Variants in KCNC2 observed in about 807,000 individuals in gnomAD.
KCNC2 encodes the protein potassium voltage-gated channel subfamily C member 2.
KCNC2 carries 21 observed loss-of-function variants against 44.5 expected under a neutral mutation model. That is an observed-to-expected ratio of 0.47 (90% CI 0.33 to 0.68). The LOEUF (loss-of-function observed/expected upper bound fraction) is 0.68. Among genes scored for constraint, KCNC2 ranks in the 30% least tolerant of loss-of-function variants. KCNC2 has a pLI of 0.01. For missense variants in KCNC2, 589 were observed against 826.2 expected (o/e 0.71, Z 3.52); for synonymous variants, 391 against 339.1 (o/e 1.15, Z -1.68).
At position 75,086,679 on chromosome 12, in the gene KCNC2, A is replaced by ATATAT. The variant is rs1555208205; in HGVS notation, c.688-35363_688-35362insATATA. 2.6e-3 allele frequency among the ~76,000 whole-genome samples: 78 copies of ATATAT among 29,722 alleles called. No individual in the cohort carries two copies. In the South Asian group the frequency reaches 0.061, roughly 23 times the overall value. The allele number at this position is 29,722 out of a possible 152,430, so 19.5% of individuals were successfully genotyped here. On this transcript the variant is annotated intron_variant, in intron 2 of 4. Coordinates refer to ENST00000549446, the MANE Select transcript of KCNC2 (RefSeq NM_139137.4). ...ATTTGGCAAAAAAAAAAAAAAAAAAAAAATATATATATATATATATACACA... is the reference window on the plus strand; with the variant it reads ...ATTTGGCAAAAAAAAAAAAAAAAAAATATATAAATATATATATATATATATACACA...
intron 2 of KCNC2, among the ~76,000 whole-genome samples, chr12:75,139,529 A>G (rs905572946): frequency 3.9e-5 from 6 of 152,234 alleles, no homozygotes; most frequent in Admixed American, 3.9e-4. Flanking sequence ...AGAATTTTTG[A>G]GTGAATTTAG....
At chr12:75,049,479 T>C (rs954160124) in intron 3 of KCNC2, among the ~76,000 whole-genome samples, 1 of 152,136 alleles carries the variant, frequency 6.6e-6, no homozygotes, top group Non-Finnish European at 1.5e-5. Context: ...ATATTTTACC[T>C]GTACCAGACA....
chr12:75,107,309 AAT>A (rs1491518649), intron 2 of KCNC2, among the ~76,000 whole-genome samples: 19 of 150,834 alleles, frequency 1.3e-4, no homozygotes, highest in South Asian at 1.0e-3. Flanking sequence ...ATCTCAAAAA[AAT>A]AAATAATAAT....
In KCNC2 at chr12:75,149,729, GA is replaced by G. The variant is rs142355640; in HGVS notation, c.687+57567del. On this transcript the variant is annotated intron_variant, in intron 2 of 4. Coordinates refer to ENST00000549446, the MANE Select transcript of KCNC2 (RefSeq NM_139137.4). ...TGAAAGGATCTTAATTACCTGCTTT[GA>G]AAAAAAAAAGTCTAGTATAATTATC... Among the ~76,000 whole-genome samples the G allele has an allele frequency of 5.3e-3, 761 of 144,230 alleles. 4 individuals are homozygous for G. The highest frequency in any genetic ancestry group is 9.4e-3 in the Non-Finnish European group (612 of 65,398). The allele number at this position is 144,230 out of a possible 152,430, so 94.6% of individuals were successfully genotyped here.
intron 2 of KCNC2, among the ~76,000 whole-genome samples, chr12:75,205,357 G>C (rs1270516045): frequency 7.2e-6 from 1 of 139,196 alleles, no homozygotes; most frequent in Non-Finnish European, 1.6e-5. Context: ...GCTTCTACTT[G>C]CTCTTTGACC....
chr12:75,200,423 C>G (rs2031143432), intron 2 of KCNC2, among the ~76,000 whole-genome samples: 1 of 151,854 alleles, frequency 6.6e-6, no homozygotes, highest in East Asian at 1.9e-4. Flanking sequence ...TCACCAATTT[C>G]ACTAATATAA....
intron 2 of KCNC2, among the ~76,000 whole-genome samples, chr12:75,125,139 T>C (rs1040353106): frequency 1.3e-5 from 2 of 151,940 alleles, no homozygotes; most frequent in East Asian, 1.9e-4. Flanking sequence ...TGGGCAAAAA[T>C]GGTAACCAAG....
chr12:75,162,668 T>G (rs539258586), intron 2 of KCNC2, among the ~76,000 whole-genome samples: 1 of 151,856 alleles, frequency 6.6e-6, no homozygotes, highest in Middle Eastern at 3.4e-3. Flanking sequence ...AGGCTTGCCC[T>G]GTGAAGAATT....
chr12:75,130,413 TC>T (rs983237419), intron 2 of KCNC2, among the ~76,000 whole-genome samples: 3 of 152,120 alleles, frequency 2.0e-5, no homozygotes, highest in South Asian at 2.1e-4. Flanking sequence ...ATCTCTCTCA[TC>T]CCAGGGCCTA....
At chr12:75,192,959 A>G (rs2137725275) in intron 2 of KCNC2, among the ~76,000 whole-genome samples, 1 of 152,348 alleles carries the variant, frequency 6.6e-6, no homozygotes, top group Non-Finnish European at 1.5e-5. Flanking sequence ...TTTATTCATT[A>G]GCCAGATTTA....
intron 2 of KCNC2, among the ~76,000 whole-genome samples, chr12:75,115,143 G>T (rs1231760034): frequency 6.7e-6 from 1 of 149,024 alleles, no homozygotes; most frequent in East Asian, 1.9e-4. Flanking sequence ...GATTACAAGC[G>T]TGAGCCACCG....
At chr12:75,182,247 C>T (rs761257638) in intron 2 of KCNC2, among the ~76,000 whole-genome samples, 20 of 151,340 alleles carry the variant, frequency 1.3e-4, no homozygotes, top group Admixed American at 3.3e-4. Flanking sequence ...TGACTATGGC[C>T]GGGGGTGGTG....
chr12:75,051,947 C>G (rs1417174643), intron 2 of KCNC2, among the ~76,000 whole-genome samples: 1 of 151,858 alleles, frequency 6.6e-6, no homozygotes, highest in East Asian at 1.9e-4. Context: ...AGGAGAAAAA[C>G]CCAGTAAAGG....
intron 2 of KCNC2, among the ~76,000 whole-genome samples, chr12:75,199,277 C>G (rs2137767387): frequency 6.6e-6 from 1 of 151,856 alleles, no homozygotes; most frequent in East Asian, 1.9e-4. Context: ...GCACACCAAC[C>G]AGGGGCTTCA....
chr12:75,199,640 A>G (rs550800342), intron 2 of KCNC2, among the ~76,000 whole-genome samples: 253 of 151,982 alleles, frequency 1.7e-3, no homozygotes, highest in African/African-American at 5.8e-3. Context: ...ACAACATTTA[A>G]CTTTGTTTGC....
chr12:75,100,925 A>G (rs1238991737), intron 2 of KCNC2, among the ~76,000 whole-genome samples: 1 of 152,140 alleles, frequency 6.6e-6, no homozygotes, highest in African/African-American at 2.4e-5. Context: ...GTGCATTGTA[A>G]CACTGAATTA....
intron 2 of KCNC2, among the ~76,000 whole-genome samples, chr12:75,164,931 G>T: frequency 6.6e-6 from 1 of 151,608 alleles, no homozygotes. Flanking sequence ...CTTAACATTA[G>T]TACCAAAGTG....
chr12:75,136,631 A>T (rs919775188), intron 2 of KCNC2, among the ~76,000 whole-genome samples: 2 of 152,120 alleles, frequency 1.3e-5, no homozygotes, highest in African/African-American at 2.4e-5. Context: ...AAGAACTATA[A>T]ACCCTGAACA....
Position 75,042,681 on chromosome 12 carries a change from T to A in KCNC2, c.*424A>T. 1 of 1,196,688 alleles carries A rather than the reference T, an allele frequency of 8.4e-7. No individual in the cohort carries two copies. The highest frequency in any genetic ancestry group is 1.0e-6 in the Non-Finnish European group (1 of 962,240). 74.1% of individuals were successfully genotyped at this position (1,196,688 alleles called of 1,614,324 possible). ...GTCCATGCAAATGAGCTGACACAAGTCATGTCGTGTGCAATCAAGATAGGA... is the reference window on the plus strand; with the variant it reads ...GTCCATGCAAATGAGCTGACACAAGACATGTCGTGTGCAATCAAGATAGGA... On this transcript the variant is annotated 3_prime_UTR_variant, in exon 5 of 5. Transcript: ENST00000549446.
Sources: allele counts gnomAD v4.1 joint callset (sites outside exome capture counted in the v4.1 genomes callset), GRCh38; gene constraint gnomAD v4.1.1; transcripts MANE v1.5; gene names NCBI Gene and HGNC (gene_info 2026-07-23, HGNC 2026-07-21).